The following XRN1 variants were observed in gnomAD, a reference collection of about 807,000 sequenced individuals.
XRN1 encodes the protein 5'-3' exoribonuclease 1.
A neutral mutation model predicts 222.3 loss-of-function variants in XRN1; 67 were observed. That is an observed-to-expected ratio of 0.30 (90% CI 0.25 to 0.37). The LOEUF (loss-of-function observed/expected upper bound fraction) is 0.37. XRN1 is among the 10% of genes least tolerant of loss of function. The pLI is 1.00. For missense variants in XRN1, 1,707 were observed against 2,000.2 expected, an observed-to-expected ratio of 0.85 and a Z score of 2.80; for synonymous variants, 643 against 652.4, an observed-to-expected ratio of 0.99 and a Z score of 0.22.
intron 1 of XRN1, among the ~76,000 whole-genome samples, chr3:142,433,881 C>T (rs1306070411): frequency 6.6e-6 from 1 of 152,076 alleles, no homozygotes; most frequent in Non-Finnish European, 1.5e-5. Flanking sequence ...AATGGCATGC[C>T]TTTGAGTTTT....
Position 142,335,505 on chromosome 3 carries a change from T to C in XRN1, c.3882A>G (p.Lys1294=). The change falls in exon 34 of 41, where the codon AAA becomes AAG. Residue 1294 remains lysine, a synonymous_variant. Coordinates refer to ENST00000392981, the MANE Select transcript of XRN1 (RefSeq NM_001282857.2). The part of the protein sequence containing the change: ...QRKHDPHRKF[K]EECKSPKAEC... ...CAGCTTTAGGACTCTTACACTCTTC[T>C]TTAACTAGAGACAAGAAAACAGAAA... The C allele has an allele frequency of 6.2e-7, 1 of 1,613,272 alleles. No individual in the cohort carries two copies. Among genetic ancestry groups the C allele is most frequent in the Non-Finnish European group, 8.5e-7 (1 of 1,179,664 alleles).
At chr3:142,369,674 A>C (rs1370818869) in intron 27 of XRN1, among the ~76,000 whole-genome samples, 1 of 151,198 alleles carries the variant, frequency 6.6e-6, no homozygotes, top group Admixed American at 6.6e-5. Context: ...AAAAAAAACA[A>C]GAGTATATTT....
chr3:142,373,874 C>T (rs530732674), intron 25 of XRN1, among the ~76,000 whole-genome samples: 80 of 152,138 alleles, frequency 5.3e-4, no homozygotes, highest in Non-Finnish European at 5.9e-5. Context: ...CCCAGCTACT[C>T]GGGAGGCTGA....
chr3:142,413,997 G>T, intron 14 of XRN1, 138 bp downstream of exon 14: 2 of 898,382 alleles, frequency 2.2e-6, no homozygotes, highest in Non-Finnish European at 1.6e-6. Flanking sequence ...CAAGGGACTT[G>T]TTAAAAAAAT....
intron 37 of XRN1, among the ~76,000 whole-genome samples, chr3:142,324,378 G>C (rs996048102): frequency 3.3e-5 from 5 of 151,698 alleles, no homozygotes; most frequent in Non-Finnish European, 7.4e-5. Context: ...AGTTTGCTGA[G>C]AATGATGGTT....
At chr3:142,321,031 T>A (rs2065338750) in intron 37 of XRN1, among the ~76,000 whole-genome samples, 2 of 151,694 alleles carry the variant, frequency 1.3e-5, no homozygotes, top group East Asian at 3.9e-4. Context: ...GTTAGTTAGG[T>A]AAGGGCTAAC....
At chr3:142,344,098 G>C (rs924617801) in intron 33 of XRN1, among the ~76,000 whole-genome samples, 1 of 151,828 alleles carries the variant, frequency 6.6e-6, no homozygotes, top group Non-Finnish European at 1.5e-5. Context: ...AAGAGTAGTG[G>C]GGGGGAGGGG....
chr3:142,402,867 C>T (rs2068197394), intron 18 of XRN1, among the ~76,000 whole-genome samples: 1 of 152,050 alleles, frequency 6.6e-6, no homozygotes. Flanking sequence ...CTTTTCACCC[C>T]CTGTATTTGA....
chr3:142,391,247 T>C (rs1269322727), intron 20 of XRN1, among the ~76,000 whole-genome samples: 1 of 152,162 alleles, frequency 6.6e-6, no homozygotes, highest in East Asian at 1.9e-4. Flanking sequence ...CAACTATCTC[T>C]GAAGCACAAT....
At chr3:142,390,148 C>A (rs933227954) in intron 20 of XRN1, among the ~76,000 whole-genome samples, 1 of 152,220 alleles carries the variant, frequency 6.6e-6, no homozygotes, top group Non-Finnish European at 1.5e-5. Context: ...TAGCACAATT[C>A]TTAAAGGCCC....
At position 142,389,006 on chromosome 3, in the gene XRN1, C is replaced by T. The variant is rs191145997; in HGVS notation, c.2340-4321G>A. ...CAAGGCAGGTGGACACTTGAGAGCA[C>T]GAGTTTGAGACCAACCTGGCCAAAA... is the stretch of plus-strand genomic sequence containing the variant. On this transcript the variant is annotated intron_variant, in intron 20 of 40. Coordinates refer to ENST00000392981, the MANE Select transcript of XRN1 (RefSeq NM_001282857.2). Among the ~76,000 whole-genome samples, 600 of 152,230 alleles carry T rather than the reference C, an allele frequency of 3.9e-3. 4 individuals are homozygous for T. Among genetic ancestry groups the T allele is most frequent in the African/African-American group, 0.013 (553 of 41,552 alleles).
chr3:142,393,916 T>A (rs912467027), intron 20 of XRN1, among the ~76,000 whole-genome samples: 2 of 151,940 alleles, frequency 1.3e-5, no homozygotes, highest in East Asian at 3.9e-4. Flanking sequence ...AACCTCTGCC[T>A]CCCAGGTTCA....
chr3:142,394,508 A>G (rs1310467871), intron 20 of XRN1, among the ~76,000 whole-genome samples: 1 of 152,132 alleles, frequency 6.6e-6, no homozygotes, highest in African/African-American at 2.4e-5. Context: ...CTTATGACCA[A>G]CCTTCCTTTT....
chr3:142,397,180 T>C (rs1298809180), intron 20 of XRN1, 149 bp downstream of exon 20: 1 of 706,716 alleles, frequency 1.4e-6, no homozygotes, highest in African/African-American at 1.8e-5. Context: ...GGTATCATTT[T>C]AAACTAGAAC....
intron 22 of XRN1, among the ~76,000 whole-genome samples, chr3:142,380,940 C>T (rs1004452239): frequency 6.6e-6 from 1 of 151,834 alleles, no homozygotes; most frequent in Non-Finnish European, 1.5e-5. Context: ...AGGTGTGTGC[C>T]ACTGTGCTTG....
At chr3:142,334,462 A>G (rs1359032335) in intron 34 of XRN1, among the ~76,000 whole-genome samples, 2 of 151,996 alleles carry the variant, frequency 1.3e-5, no homozygotes, top group Non-Finnish European at 2.9e-5. Context: ...TTTAGATCAA[A>G]GATTTGTTAT....
chr3:142,426,809 TTTTTAA>T lies in XRN1; in HGVS notation c.335_340del (p.Ile112_Lys113del), dbSNP rs746212398. 6.2e-7 allele frequency: 1 copy of T among 1,613,688 alleles called. No individual in the cohort carries two copies. The highest frequency in any genetic ancestry group is 8.5e-7 in the Non-Finnish European group (1 of 1,179,886). ...AAGAGTTTCTCCCTTCTCTATTGCC[TTTTTAA>T]TTTTGTCTTCTGCCTCCTTTGCTGA... On this transcript the variant is annotated inframe_deletion, in exon 3 of 41. Transcript: ENST00000392981.
chr3:142,401,632 C>T (rs1019666908), intron 18 of XRN1, among the ~76,000 whole-genome samples: 1 of 152,002 alleles, frequency 6.6e-6, no homozygotes, highest in Non-Finnish European at 1.5e-5. Flanking sequence ...GCAGGAGAAT[C>T]GCTCCTGGGC....
chr3:142,392,508 T>C (rs1456431027), intron 20 of XRN1, among the ~76,000 whole-genome samples: 2 of 152,120 alleles, frequency 1.3e-5, no homozygotes, highest in Non-Finnish European at 2.9e-5. Flanking sequence ...CAGAGTGTGA[T>C]ATTCCCCTTC....
Sources: allele counts gnomAD v4.1 joint callset (sites outside exome capture counted in the v4.1 genomes callset), GRCh38; gene constraint gnomAD v4.1.1; transcripts MANE v1.5; gene names NCBI Gene and HGNC (gene_info 2026-07-23, HGNC 2026-07-21).